ZSCAN26: variants seen among roughly 807,000 people sequenced by gnomAD.
ZSCAN26 encodes zinc finger and SCAN domain containing 26, also known as zinc finger and SCAN domain-containing protein 26.
Under a neutral mutation model 23.0 loss-of-function variants are expected in ZSCAN26, and 26 were observed. The ratio of observed to expected loss-of-function variants is 1.13; its 90% confidence interval spans 0.83 to 1.57. The LOEUF (loss-of-function observed/expected upper bound fraction) is 1.57, where lower values mean the gene tolerates loss of function less well. ZSCAN26 is among the 40% of genes most tolerant of loss of function. The pLI is 0.00. For synonymous variants in ZSCAN26, 180 were observed against 202.5 expected, an observed-to-expected ratio of 0.89 and a Z score of 0.94; for missense variants, 528 against 568.5, an observed-to-expected ratio of 0.93 and a Z score of 0.72.
At position 28,277,110 on chromosome 6, in the gene ZSCAN26, C is replaced by T. The variant is rs1263627370; in HGVS notation, c.*14C>T. The T allele has an allele frequency of 6.2e-7, 1 of 1,600,916 alleles. No individual in the cohort carries two copies. Among genetic ancestry groups the T allele is most frequent in the Non-Finnish European group, 8.5e-7 (1 of 1,174,360 alleles). Reference sequence around the variant, plus strand: ...AAACTGGCTTGATGAGGTGTTCTCTCCTTGTAGAACATCAGAGAAGGCACA... The same window carrying T: ...AAACTGGCTTGATGAGGTGTTCTCTTCTTGTAGAACATCAGAGAAGGCACA... On this transcript the variant is annotated 3_prime_UTR_variant, in exon 4 of 4. Coordinates refer to ENST00000421553, the MANE Select transcript of ZSCAN26 (RefSeq NM_001023560.4).
At chr6:28,268,585 G>A (rs1273662143) in intron 1 of ZSCAN26, among the ~76,000 whole-genome samples, 2 of 152,094 alleles carry the variant, frequency 1.3e-5, no homozygotes, top group Non-Finnish European at 2.9e-5. Context: ...GGTAGGAGAA[G>A]ACAATGGCAA....
Position 28,271,993 on chromosome 6 carries a change from G to C in ZSCAN26, c.74G>C (p.Arg25Thr), listed in dbSNP as rs1342679600. The change falls in exon 2 of 4, where the codon AGG becomes ACG. Residue 25 changes from arginine to threonine, a missense_variant. Arg to Thr is a moderately conservative substitution (Grantham distance 71, BLOSUM62 -1). Coordinates refer to ENST00000421553, the MANE Select transcript of ZSCAN26 (RefSeq NM_001023560.4). Reference protein sequence around the residue: ...NLKKEGLRVVREDHYSTWEQG... With the variant: ...NLKKEGLRVVTEDHYSTWEQG... ...AAGAAGGAGGGGCTTCGGGTAGTGA[G>C]GGAGGATCACTACTCTACTTGGGAA... 1 of 1,551,580 alleles carries C rather than the reference G, an allele frequency of 6.4e-7. No homozygotes were observed. Among genetic ancestry groups the C allele is most frequent in the African/African-American group, 1.4e-5 (1 of 73,052 alleles).
In ZSCAN26 at chr6:28,267,184, C is replaced by T. The variant is rs1210993189; in HGVS notation, c.-96C>T. 6.6e-6 allele frequency: 1 copy of T among 152,186 alleles called. No homozygotes were observed. The highest frequency in any genetic ancestry group is 1.5e-5 in the Non-Finnish European group (1 of 68,078). The allele number at this position is 152,186 out of a possible 1,614,324, so 9.4% of individuals were successfully genotyped here. A position where few individuals can be genotyped will look rare whatever the true frequency, so the allele number is the denominator to read the frequency against. On this transcript the variant is annotated 5_prime_UTR_variant, in exon 1 of 4. Transcript: ENST00000421553. ...GATGAGCTAAGACGCTGTTTCAGAG[C>T]GTTTGGGTCCTCTGAGGCCCCTTGA... is the stretch of plus-strand genomic sequence containing the variant.
Position 28,276,987 on chromosome 6 carries a change from T to C in ZSCAN26, c.1331T>C (p.Ile444Thr). The change falls in exon 4 of 4, where the codon ATC (isoleucine) becomes ACC (threonine). Residue 444 changes from isoleucine (I) to threonine (T), a missense_variant. Physicochemically the swap from Ile to Thr is moderately conservative, Grantham distance 89. Transcript: ENST00000421553. ...TCACACCTTGCTCAGCATGTAAGAA[T>C]CCACAATGAAGAAAAACCCTATCAG... ...LNSHLAQHVR[I>T]HNEEKPYQCS... 11 of 1,613,964 alleles carry C rather than the reference T, an allele frequency of 6.8e-6. No individual in the cohort carries two copies. Among genetic ancestry groups the C allele is most frequent in the Non-Finnish European group, 9.3e-6 (11 of 1,179,864 alleles).
chr6:28,268,572 C>T (rs1172240527), intron 1 of ZSCAN26, among the ~76,000 whole-genome samples: 1 of 151,862 alleles, frequency 6.6e-6, no homozygotes, highest in African/African-American at 2.4e-5. Flanking sequence ...TCACAGTGGT[C>T]TAGGTAGGAG....
In ZSCAN26 at chr6:28,277,198, T is replaced by TGGG. The variant is rs1761987717; in HGVS notation, c.*105_*107dup. 7.7e-7 allele frequency: 1 copy of TGGG among 1,293,564 alleles called. No individual in the cohort carries two copies. Among genetic ancestry groups the TGGG allele is most frequent in the Admixed American group, 2.3e-5 (1 of 44,210 alleles). 80.1% of individuals were successfully genotyped at this position (1,293,564 alleles called of 1,614,324 possible). On this transcript the variant is annotated 3_prime_UTR_variant, in exon 4 of 4. Coordinates refer to ENST00000421553, the MANE Select transcript of ZSCAN26 (RefSeq NM_001023560.4). The stretch of plus-strand genomic sequence containing the variant: ...GCCCACTGTGGCATCAGAAAATTCT[T>TGGG]GGGGGCTGAGTTGGAGGCTCCCTGC...
At position 28,272,036 on chromosome 6, in the gene ZSCAN26, A is replaced by C. The variant is rs1761708350; in HGVS notation, c.117A>C (p.Gln39His). Reference protein sequence around the residue: ...YSTWEQGFKLQGNSKGLGQEP... With the variant: ...YSTWEQGFKLHGNSKGLGQEP... The stretch of plus-strand genomic sequence containing the variant: ...CTTGGGAACAGGGATTCAAGCTGCA[A>C]GGAAACAGTAAAGGCCTTGGACAGG... Residue 39 changes from glutamine (Q) to histidine (H), a missense_variant, in exon 2 of 4, where the codon CAA becomes CAC. Physicochemically the swap from Gln to His is conservative, Grantham distance 24. Coordinates refer to ENST00000421553, the MANE Select transcript of ZSCAN26 (RefSeq NM_001023560.4). 1 of 1,552,254 alleles carries C rather than the reference A, an allele frequency of 6.4e-7. No homozygotes were observed. The highest frequency in any genetic ancestry group is 1.4e-5 in the African/African-American group (1 of 73,054).
chr6:28,268,374 A>G (rs548619545), intron 1 of ZSCAN26, among the ~76,000 whole-genome samples: 2 of 152,318 alleles, frequency 1.3e-5, no homozygotes, highest in South Asian at 2.1e-4. Context: ...ATTTGATGAA[A>G]TAAAGTACTT....
intron 1 of ZSCAN26, 131 bp from the exon 2 acceptor site, chr6:28,271,723 A>T: frequency 3.6e-6 from 2 of 563,350 alleles, no homozygotes; most frequent in Non-Finnish European, 6.2e-6. Flanking sequence ...TTCCTTCTGT[A>T]TGTATGTTTA....
Position 28,272,342 on chromosome 6 carries a change from A to G in ZSCAN26, c.420+3A>G. The G allele has an allele frequency of 1.3e-6, 2 of 1,518,922 alleles. No individual in the cohort carries two copies. The highest frequency in any genetic ancestry group is 1.8e-6 in the Non-Finnish European group (2 of 1,130,970). 94.1% of individuals were successfully genotyped at this position (1,518,922 alleles called of 1,614,324 possible). A position where few individuals can be genotyped will look rare whatever the true frequency, so the allele number is the denominator to read the frequency against. ...TTGGAGAAACAGGACAACAGGTGGT[A>G]AGGGTCAGATGTGCTCTTTTTCAGG... On this transcript the variant is annotated splice_donor_region_variant and intron_variant, in intron 2 of 3. Transcript: ENST00000421553.
Position 28,276,822 on chromosome 6 carries a change from A to G in ZSCAN26, c.1166A>G (p.His389Arg). The change falls in exon 4 of 4, where the codon CAT becomes CGT. Residue 389 changes from histidine (H) to arginine (R), a missense_variant. Physicochemically the swap from His to Arg is conservative, Grantham distance 29. Transcript: ENST00000421553. ...ALLLTHHQRI[H>R]SHSKSHQCNE... ...CTCCTCACCCACCATCAGAGAATCC[A>G]TAGTCACTCCAAAAGCCATCAATGT... 1 of 1,614,008 alleles carries G rather than the reference A, an allele frequency of 6.2e-7. No individual in the cohort carries two copies. The highest frequency in any genetic ancestry group is 2.2e-5 in the East Asian group (1 of 44,882).
In ZSCAN26 at chr6:28,276,856, T is replaced by A. The variant is rs1161957745; in HGVS notation, c.1200T>A (p.Cys400Ter). The change falls in exon 4 of 4, where the codon TGT becomes TGA. Residue 400 changes from cysteine (C) to a stop codon, truncating the protein, a stop_gained. Coordinates refer to ENST00000421553, the MANE Select transcript of ZSCAN26 (RefSeq NM_001023560.4). LOFTEE classifies it low-confidence loss of function (END_TRUNC). ...CCAAAAGCCATCAATGTAACGAGTGTGGAAAAGCTTTCAGTTTGACCTCAG... is the reference window on the plus strand; with the variant it reads ...CCAAAAGCCATCAATGTAACGAGTGAGGAAAAGCTTTCAGTTTGACCTCAG... ...SHSKSHQCNE[C>*]GKAFSLTSDL... 1 of 1,613,994 alleles carries A rather than the reference T, an allele frequency of 6.2e-7. No individual in the cohort carries two copies. The highest frequency in any genetic ancestry group is 8.5e-7 in the Non-Finnish European group (1 of 1,179,882).
At chr6:28,272,836 CT>C in intron 3 of ZSCAN26, 49 bp downstream of exon 3, 1 of 1,509,338 alleles carries the variant, frequency 6.6e-7, no homozygotes. Context: ...TGGACTGTGC[CT>C]TTCCCTCTGA....
intron 1 of ZSCAN26, among the ~76,000 whole-genome samples, chr6:28,270,505 T>C (rs977177789): frequency 1.3e-5 from 2 of 152,210 alleles, no homozygotes; most frequent in African/African-American, 4.8e-5. Context: ...GAGTTCATTT[T>C]TGACATGTTG....
Position 28,271,855 on chromosome 6 carries a change from AGT to A in ZSCAN26, c.-62_-61del, listed in dbSNP as rs1203451080. ...TCACTCTTGTTACTATAATTTTAGGAGTGTCTCTGAAGATACAGTCCAAAGAA... is the reference window on the plus strand; with the variant it reads ...TCACTCTTGTTACTATAATTTTAGGAGTCTCTGAAGATACAGTCCAAAGAA... On this transcript the variant is annotated splice_region_variant and 5_prime_UTR_variant, in exon 2 of 4. Coordinates refer to ENST00000421553, the MANE Select transcript of ZSCAN26 (RefSeq NM_001023560.4). 7.4e-7 allele frequency: 1 copy of A among 1,353,374 alleles called. No homozygotes were observed. Among genetic ancestry groups the A allele is most frequent in the African/African-American group, 1.5e-5 (1 of 67,106 alleles). The allele number at this position is 1,353,374 out of a possible 1,614,324, so 83.8% of individuals were successfully genotyped here.
chr6:28,269,611 A>G (rs1438126299), intron 1 of ZSCAN26, among the ~76,000 whole-genome samples: 1 of 152,166 alleles, frequency 6.6e-6, no homozygotes, highest in Admixed American at 6.5e-5. Context: ...CTTGAGATTC[A>G]GTAAGAGCTG....
Position 28,272,115 on chromosome 6 carries a change from C to T in ZSCAN26, c.196C>T (p.Arg66Ter), listed in dbSNP as rs1255704499. Residue 66 changes from arginine to a stop codon, truncating the protein, a stop_gained, in exon 2 of 4, where the codon CGA becomes TGA. Transcript: ENST00000421553. LOFTEE classifies it high-confidence loss of function. ...GCGTTATGAAGAGACCACAGGACCTCGAGAAGCACTAAGTCGGCTCCGGGA... is the reference window on the plus strand; with the variant it reads ...GCGTTATGAAGAGACCACAGGACCTTGAGAAGCACTAAGTCGGCTCCGGGA... ...QLRYEETTGPREALSRLRELC... is the reference protein window; with the variant it reads ...QLRYEETTGP The T allele has an allele frequency of 1.3e-5, 21 of 1,599,852 alleles. No homozygotes were observed. The highest frequency in any genetic ancestry group is 1.8e-5 in the Non-Finnish European group (21 of 1,172,848).
chr6:28,272,855 CT>C, intron 3 of ZSCAN26, 68 bp downstream of exon 3: 1 of 1,299,236 alleles, frequency 7.7e-7, no homozygotes, highest in Non-Finnish European at 1.1e-6. Context: ...TGAGGTTGTG[CT>C]TAGCACCCTT....
At chr6:28,272,507 G>A (rs1009285643) in intron 2 of ZSCAN26, among the ~76,000 whole-genome samples, 163 bp from the exon 3 acceptor site, 1 of 152,152 alleles carries the variant, frequency 6.6e-6, no homozygotes, top group African/African-American at 2.4e-5. Flanking sequence ...CCTGGCCCTT[G>A]CTTGGAGAAA....
Sources: allele counts gnomAD v4.1 joint callset (sites outside exome capture counted in the v4.1 genomes callset), GRCh38; gene constraint gnomAD v4.1.1; transcripts MANE v1.5; gene names NCBI Gene and HGNC (gene_info 2026-07-23, HGNC 2026-07-21).